The following IDO2 variants were observed in gnomAD, a reference collection of about 807,000 sequenced individuals.
The protein encoded by IDO2 is indoleamine 2,3-dioxygenase-like 1 protein.
A neutral mutation model predicts 45.1 loss-of-function variants in IDO2; 46 were observed. The ratio of observed to expected loss-of-function variants is 1.02; its 90% CI spans 0.80 to 1.30. IDO2 has a LOEUF of 1.30. Among genes scored for constraint, IDO2 ranks in the 50% most tolerant of loss-of-function variants. The pLI, the probability that IDO2 is intolerant of heterozygous loss-of-function variation, is 0.00. For synonymous variants in IDO2, 218 were observed against 184.9 expected (o/e 1.18, Z -1.45); for missense variants, 544 against 491.8 (o/e 1.11, Z -1.00).
At chr8:39,985,315 C>G in intron 5 of IDO2, 193 bp from the exon 6 acceptor site, 1 of 603,960 alleles carries the variant, frequency 1.7e-6, no homozygotes, top group Non-Finnish European at 3.0e-6. Context: ...CACATAGCAC[C>G]CCATAGTCCA....
chr8:40,005,020 G>T (rs1026470956), intron 8 of IDO2, among the ~76,000 whole-genome samples: 1 of 151,942 alleles, frequency 6.6e-6, no homozygotes, highest in African/African-American at 2.4e-5. Flanking sequence ...CTCAAACATT[G>T]CCTGTTTAAA....
intron 2 of IDO2, among the ~76,000 whole-genome samples, chr8:39,961,574 G>C (rs982262530): frequency 1.3e-5 from 2 of 151,866 alleles, no homozygotes; most frequent in African/African-American, 2.4e-5. Flanking sequence ...CGCCCTCCTC[G>C]GCCTCCCCAA....
intron 8 of IDO2, chr8:39,995,260 T>C (rs1802021022): frequency 4.7e-5 from 5 of 106,744 alleles, no homozygotes; most frequent in African/African-American, 8.6e-5. Context: ...TCCTTCTTCT[T>C]CTTCCTCTTC....
intron 3 of IDO2, among the ~76,000 whole-genome samples, chr8:39,968,194 AAATGATTGAGC>A (rs1370866294): frequency 6.6e-6 from 1 of 152,260 alleles, no homozygotes; most frequent in African/African-American, 2.4e-5. Flanking sequence ...TCAGCGATAC[AAATGATTGAGC>A]AATTAATTTG....
intron 8 of IDO2, among the ~76,000 whole-genome samples, chr8:39,998,724 T>C (rs368412774): frequency 4.1e-5 from 6 of 146,386 alleles, no homozygotes; most frequent in Non-Finnish European, 8.9e-5. Context: ...CACTACAACC[T>C]GTGCCTCCCC....
chr8:40,004,666 G>A (rs537887169), intron 8 of IDO2, among the ~76,000 whole-genome samples: 2 of 144,750 alleles, frequency 1.4e-5, no homozygotes, highest in African/African-American at 5.0e-5. Flanking sequence ...GTCCCACTAC[G>A]TGAAAACAAT....
intron 3 of IDO2, among the ~76,000 whole-genome samples, 164 bp from the exon 4 acceptor site, chr8:39,978,903 T>C (rs1808300195): frequency 6.6e-6 from 1 of 152,156 alleles, no homozygotes. Flanking sequence ...GTCCTGGGTC[T>C]GGGGATAAAT....
chr8:39,972,797 A>C (rs574539020), intron 3 of IDO2, among the ~76,000 whole-genome samples: 40 of 152,194 alleles, frequency 2.6e-4, no homozygotes, highest in African/African-American at 9.2e-4. Flanking sequence ...CATCAGCATC[A>C]AAGCAGGGCT....
chr8:39,984,842 C>G (rs1808400059), intron 5 of IDO2: 1 of 389,884 alleles, frequency 2.6e-6, no homozygotes, highest in Non-Finnish European at 4.9e-6. Flanking sequence ...TAAGGCAAAT[C>G]CTAAAAGTTG....
intron 8 of IDO2, among the ~76,000 whole-genome samples, chr8:40,003,788 T>C (rs774530348): frequency 6.6e-6 from 1 of 152,226 alleles, no homozygotes; most frequent in Non-Finnish European, 1.5e-5. Flanking sequence ...GTGGAAGTGC[T>C]GATCCTTGTT....
chr8:39,951,275 ATTT>A, intron 2 of IDO2, among the ~76,000 whole-genome samples: 1 of 136,024 alleles, frequency 7.4e-6, no homozygotes, highest in Admixed American at 7.5e-5. Context: ...GGACCCCAAG[ATTT>A]TTTTTTTTTT....
intron 2 of IDO2, among the ~76,000 whole-genome samples, chr8:39,957,729 C>T (rs1807925757): frequency 6.6e-6 from 1 of 152,184 alleles, no homozygotes; most frequent in Non-Finnish European, 1.5e-5. Flanking sequence ...TTCTCCTTCA[C>T]TTTACTTTGA....
At chr8:39,974,248 G>T (rs1808225941) in intron 3 of IDO2, among the ~76,000 whole-genome samples, 1 of 152,072 alleles carries the variant, frequency 6.6e-6, no homozygotes, top group South Asian at 2.1e-4. Context: ...ACCCATGTGT[G>T]TATGGAATAC....
intron 3 of IDO2, among the ~76,000 whole-genome samples, chr8:39,968,899 A>AC (rs1293086918): frequency 3.9e-5 from 6 of 151,932 alleles, no homozygotes; most frequent in East Asian, 1.9e-4. Context: ...AAAAAAAAAA[A>AC]AAACAAACAA....
intron 3 of IDO2, among the ~76,000 whole-genome samples, chr8:39,970,496 A>G (rs1389793583): frequency 6.6e-6 from 1 of 151,868 alleles, no homozygotes. Flanking sequence ...GGTTCAAGCA[A>G]TTCTCCTGCC....
intron 8 of IDO2, among the ~76,000 whole-genome samples, chr8:39,996,436 G>A (rs1802047981): frequency 6.6e-6 from 1 of 152,182 alleles, no homozygotes; most frequent in South Asian, 2.1e-4. Flanking sequence ...CGTGACTTGG[G>A]TGACCTTACC....
chr8:40,009,468 T>C (rs1033207906), intron 9 of IDO2, among the ~76,000 whole-genome samples: 5 of 151,986 alleles, frequency 3.3e-5, no homozygotes, highest in Admixed American at 1.3e-4. Context: ...CATTTTTTTT[T>C]CCCCACTAAA....
At chr8:40,015,168 TAAAAA>T in intron 10 of IDO2, 74 bp from the exon 11 acceptor site, 1 of 841,044 alleles carries the variant, frequency 1.2e-6, no homozygotes, top group Non-Finnish European at 1.8e-6. Context: ...AAAAAAAAAA[TAAAAA>T]AGAAGAAGAA....
intron 4 of IDO2, among the ~76,000 whole-genome samples, chr8:39,982,228 A>C (rs1585410085): frequency 1.4e-5 from 1 of 69,662 alleles, no homozygotes; most frequent in Non-Finnish European, 2.6e-5. Context: ...CTCTCTCTAT[A>C]TATGTGTGTA....
Sources: gnomAD v4.1 joint callset for allele counts (sites outside exome capture counted in the v4.1 genomes callset) on GRCh38, gnomAD v4.1.1 for gene constraint, MANE v1.5 for transcripts, NCBI Gene and HGNC (gene_info 2026-07-23, HGNC 2026-07-21) for gene names.